CADM2: variants seen among roughly 807,000 people sequenced by gnomAD.
CADM2 encodes the protein immunoglobulin superfamily member 4D.
Under a neutral mutation model 49.8 loss-of-function variants are expected in CADM2, and 12 were observed. The observed-to-expected ratio is 0.24, with a 90% CI of 0.15 to 0.39. The LOEUF is 0.39. Ranked by LOEUF, CADM2 falls within the 10% of genes least tolerant of loss-of-function variation. The pLI, the probability that CADM2 is intolerant of heterozygous loss-of-function variation, is 1.00. For synonymous variants in CADM2, 214 were observed against 175.4 expected, an observed-to-expected ratio of 1.22 and a Z score of -1.74; for missense variants, 378 against 492.3, an observed-to-expected ratio of 0.77 and a Z score of 2.20.
intron 1 of CADM2, among the ~76,000 whole-genome samples, chr3:85,559,218 G>A (rs2062031351): frequency 6.6e-6 from 1 of 151,980 alleles, no homozygotes; most frequent in Non-Finnish European, 1.5e-5. Flanking sequence ...GCATATTTAT[G>A]TATACATGTA....
chr3:85,858,929 C>T (rs2075415426), intron 3 of CADM2, among the ~76,000 whole-genome samples: 2 of 152,242 alleles, frequency 1.3e-5, no homozygotes, highest in South Asian at 2.1e-4. Flanking sequence ...CAAATGGATG[C>T]TCCTGAGATC....
chr3:85,200,859 A>G (rs968349098), intron 1 of CADM2, among the ~76,000 whole-genome samples: 3 of 152,160 alleles, frequency 2.0e-5, no homozygotes, highest in Non-Finnish European at 4.4e-5. Context: ...TAGATAGAAA[A>G]ATATCTCACT....
chr3:85,041,420 G>GT (rs2035436555), intron 1 of CADM2, among the ~76,000 whole-genome samples: 1 of 152,148 alleles, frequency 6.6e-6, no homozygotes, highest in Admixed American at 6.6e-5. Flanking sequence ...GAGAGACGGA[G>GT]TAAGAATAGG....
At chr3:85,949,748 C>A (rs536297551) in intron 7 of CADM2, among the ~76,000 whole-genome samples, 1 of 151,072 alleles carries the variant, frequency 6.6e-6, no homozygotes, top group African/African-American at 2.4e-5. Context: ...TGAAACAAAT[C>A]ATGAAGCAGA....
chr3:86,074,400 C>T lies in CADM2; in HGVS notation c.*7617C>T, dbSNP rs1463415947. On this transcript the variant is annotated 3_prime_UTR_variant, in exon 10 of 10. Transcript: ENST00000383699. ...ATTTGTGTTAGACCATGAAATATTC[C>T]ATTAAAATTTATCTGTAAATACAAG... 6.6e-6 allele frequency: 1 copy of T among 151,904 alleles called. No homozygotes were observed. The highest frequency in any genetic ancestry group is 2.4e-5 in the African/African-American group (1 of 41,398). 9.4% of individuals were successfully genotyped at this position (151,904 alleles called of 1,614,324 possible).
chr3:85,818,579 A>G (rs548496015), intron 3 of CADM2, among the ~76,000 whole-genome samples: 11 of 152,292 alleles, frequency 7.2e-5, no homozygotes, highest in Non-Finnish European at 1.5e-4. Context: ...TAACTTCTTT[A>G]TCAACTCATT....
At chr3:84,980,533 AT>A (rs1032947075) in intron 1 of CADM2, among the ~76,000 whole-genome samples, 8 of 152,096 alleles carry the variant, frequency 5.3e-5, no homozygotes, top group Admixed American at 2.0e-4. Context: ...TATCTTATTC[AT>A]TTTTTAAATT....
chr3:85,057,304 GA>G (rs2036118365), intron 1 of CADM2, among the ~76,000 whole-genome samples: 1 of 143,666 alleles, frequency 7.0e-6, no homozygotes, highest in Non-Finnish European at 1.5e-5. Context: ...ACCATTTTCA[GA>G]ATTTTTTTTT....
At chr3:85,920,274 T>C (rs1718929842) in intron 6 of CADM2, among the ~76,000 whole-genome samples, 1 of 151,866 alleles carries the variant, frequency 6.6e-6, no homozygotes, top group Non-Finnish European at 1.5e-5. Context: ...ACAAATTATA[T>C]ATAGCATAAG....
At chr3:85,523,973 T>G (rs1227106373) in intron 1 of CADM2, among the ~76,000 whole-genome samples, 4 of 152,122 alleles carry the variant, frequency 2.6e-5, no homozygotes, top group African/African-American at 9.7e-5. Flanking sequence ...TTTAAAATAT[T>G]GTTAATTATT....
chr3:85,304,607 A>T (rs2044171837), intron 1 of CADM2, among the ~76,000 whole-genome samples: 1 of 151,824 alleles, frequency 6.6e-6, no homozygotes, highest in South Asian at 2.1e-4. Flanking sequence ...ATAAAGGTGG[A>T]AAAATCAACG....
intron 1 of CADM2, among the ~76,000 whole-genome samples, chr3:85,723,914 A>G (rs564409344): frequency 2.0e-5 from 3 of 152,160 alleles, no homozygotes; most frequent in South Asian, 2.1e-4. Flanking sequence ...TTTGAAGCAA[A>G]TTTGTTCTTC....
intron 1 of CADM2, among the ~76,000 whole-genome samples, chr3:85,321,168 CGAGA>C (rs1194516038): frequency 2.7e-5 from 1 of 37,710 alleles, no homozygotes; most frequent in African/African-American, 7.5e-5. Flanking sequence ...TTTTTTTTTG[CGAGA>C]GAGAGAAAGA....
At chr3:85,642,913 C>T (rs2064764946) in intron 1 of CADM2, among the ~76,000 whole-genome samples, 1 of 152,150 alleles carries the variant, frequency 6.6e-6, no homozygotes, top group Non-Finnish European at 1.5e-5. Context: ...TCATCTGCCT[C>T]ACATTCTTTT....
intron 1 of CADM2, among the ~76,000 whole-genome samples, chr3:85,031,472 G>A (rs527736350): frequency 6.6e-6 from 1 of 152,066 alleles, no homozygotes; most frequent in South Asian, 2.1e-4. Context: ...CCCCTTACCC[G>A]AAGTGATTTT....
At chr3:85,884,083 CA>C (rs1302793715) in intron 4 of CADM2, among the ~76,000 whole-genome samples, 3 of 151,960 alleles carry the variant, frequency 2.0e-5, no homozygotes, top group Non-Finnish European at 4.4e-5. Flanking sequence ...GAAAGTGACA[CA>C]AAAAAAGCAA....
intron 1 of CADM2, among the ~76,000 whole-genome samples, chr3:85,465,926 G>A (rs1173054536): frequency 1.3e-5 from 2 of 152,156 alleles, no homozygotes; most frequent in Admixed American, 1.3e-4. Context: ...TAGAAGCAAA[G>A]AATTGCTATC....
intron 1 of CADM2, among the ~76,000 whole-genome samples, chr3:85,308,616 C>T (rs1411942703): frequency 6.6e-6 from 1 of 151,916 alleles, no homozygotes; most frequent in African/African-American, 2.4e-5. Flanking sequence ...TTTTTCAGAG[C>T]CCTTATCCCA....
chr3:86,039,741 C>A (rs1474729304), intron 8 of CADM2, among the ~76,000 whole-genome samples: 1 of 152,172 alleles, frequency 6.6e-6, no homozygotes, highest in African/African-American at 2.4e-5. Flanking sequence ...AGTAGTGGTT[C>A]TCCCAGCAGG....
Sources: allele counts gnomAD v4.1 joint callset (sites outside exome capture counted in the v4.1 genomes callset), GRCh38; gene constraint gnomAD v4.1.1; transcripts MANE v1.5; gene names NCBI Gene and HGNC (gene_info 2026-07-23, HGNC 2026-07-21).